The following TTYH2 variants were observed in gnomAD, a reference collection of about 807,000 sequenced individuals.
TTYH2 encodes the protein tweety family member 2.
TTYH2 carries 49 observed loss-of-function variants against 68.3 expected under a neutral mutation model. The ratio of observed to expected loss-of-function variants is 0.72; its 90% confidence interval spans 0.57 to 0.91. The LOEUF is 0.91. Ranked by LOEUF, TTYH2 falls within the 40% of genes least tolerant of loss-of-function variation. The pLI is 0.00. For missense variants in TTYH2, 631 were observed against 700.4 expected (o/e 0.90, Z 1.12); for synonymous variants, 272 against 300.8 (o/e 0.90, Z 0.99).
rs2050197834 is a variant in TTYH2 at position 74,214,026 on chromosome 17, C to T, written c.129+310C>T. Among the ~76,000 whole-genome samples, 1 of 150,660 alleles carries T rather than the reference C, an allele frequency of 6.6e-6. No individual in the cohort carries two copies. Among genetic ancestry groups the T allele is most frequent in the Non-Finnish European group, 1.5e-5 (1 of 67,498 alleles). ...TGAACGCTGAGCGGGCAGGGCGGCG[C>T]GGGGGAGGGGTAAGGACAGGGGCAT... On this transcript the variant is annotated intron_variant, in intron 1 of 13. Transcript: ENST00000269346. This position sits in a 1 kb window ranked among gnomAD's most constrained non-coding sequence, Gnocchi z 4.6.
chr17:74,249,379 G>A lies in TTYH2; in HGVS notation c.910G>A (p.Gly304Arg). 1 of 1,614,084 alleles carries A rather than the reference G, an allele frequency of 6.2e-7. No individual in the cohort carries two copies. The highest frequency in any genetic ancestry group is 8.5e-7 in the Non-Finnish European group (1 of 1,180,032). The change falls in exon 8 of 14, where the codon GGA becomes AGA. Residue 304 changes from glycine (G) to arginine (R), a missense_variant. Gly to Arg is a moderately radical substitution (Grantham distance 125, BLOSUM62 -2). Coordinates refer to ENST00000269346, the MANE Select transcript of TTYH2 (RefSeq NM_032646.6). ...TRYYLYCSQSGSSPFQQTLTT... is the reference protein window; with the variant it reads ...TRYYLYCSQSRSSPFQQTLTT... The stretch of plus-strand genomic sequence containing the variant: ...CTACTACCTGTATTGCAGCCAGAGT[G>A]GAAGCAGCCCCTTCCAGCAGGTATG...
chr17:74,234,484 A>C (rs570612122), intron 3 of TTYH2, among the ~76,000 whole-genome samples: 35 of 152,230 alleles, frequency 2.3e-4, no homozygotes, highest in Non-Finnish European at 4.3e-4. Context: ...CACTGCTGTC[A>C]TTCTTATTTT....
In TTYH2 at chr17:74,252,215, G is replaced by A. The variant is rs1287748948; in HGVS notation, c.1117-19G>A. On this transcript the variant is annotated intron_variant, in intron 10 of 13. Coordinates refer to ENST00000269346, the MANE Select transcript of TTYH2 (RefSeq NM_032646.6). ...GCCCCCGCTCCTTCACTAGCTGCATGTCCCTCCTCTTCCTCCAGGATTATC... is the reference window on the plus strand; with the variant it reads ...GCCCCCGCTCCTTCACTAGCTGCATATCCCTCCTCTTCCTCCAGGATTATC... 9 of 1,611,074 alleles carry A rather than the reference G, an allele frequency of 5.6e-6. No homozygotes were observed. The highest frequency in any genetic ancestry group is 6.8e-6 in the Non-Finnish European group (8 of 1,179,970).
At position 74,252,249 on chromosome 17, in the gene TTYH2, C is replaced by G; in HGVS notation, c.1132C>G (p.Leu378Val). 2.5e-6 allele frequency: 4 copies of G among 1,613,126 alleles called. No homozygotes were observed. The highest frequency in any genetic ancestry group is 1.7e-4 in the Middle Eastern group (1 of 6,060). Residue 378 changes from leucine (L) to valine (V), a missense_variant, in exon 11 of 14, where the codon CTT becomes GTT. By Grantham distance (32) the Leu-to-Val change is conservative. Transcript: ENST00000269346. ...RGLHKDYLDALAGICYDGLQG... is the reference protein window; with the variant it reads ...RGLHKDYLDAVAGICYDGLQG... ...CTTCCTCCAGGATTATCTGGACGCT[C>G]TTGCTGGCATCTGCTACGACGGCCT...
At chr17:74,249,435 C>G in intron 8 of TTYH2, 36 bp downstream of exon 8, 1 of 1,608,994 alleles carries the variant, frequency 6.2e-7, no homozygotes, top group Non-Finnish European at 8.5e-7. Flanking sequence ...ACCCTGCCCA[C>G]AGCCGCTCCC....
chr17:74,218,164 G>T (rs1391669966), intron 1 of TTYH2, among the ~76,000 whole-genome samples: 3 of 146,702 alleles, frequency 2.0e-5, no homozygotes, highest in African/African-American at 5.1e-5. Flanking sequence ...CTGGAAGAGG[G>T]TGCTGCTGGT....
intron 2 of TTYH2, among the ~76,000 whole-genome samples, chr17:74,228,606 A>T (rs2050356012): frequency 6.6e-6 from 1 of 152,220 alleles, no homozygotes; most frequent in Non-Finnish European, 1.5e-5. Flanking sequence ...CAACACAAAA[A>T]TCAATACAGC....
chr17:74,215,024 C>A lies in TTYH2; in HGVS notation c.129+1308C>A, dbSNP rs1030233261. Among the ~76,000 whole-genome samples the A allele has an allele frequency of 1.3e-5, 2 of 152,120 alleles. No homozygotes were observed. Among genetic ancestry groups the A allele is most frequent in the African/African-American group, 2.4e-5 (1 of 41,422 alleles). On this transcript the variant is annotated intron_variant, in intron 1 of 13. Transcript: ENST00000269346. This position sits in a 1 kb window ranked among gnomAD's most constrained non-coding sequence, Gnocchi z 4.3. Reference sequence around the variant, plus strand: ...CAGTGGGCACTCAGGAGCAAGACGGCAGTCGGTGGACCCACCCCCCTCCCC... The same window carrying A: ...CAGTGGGCACTCAGGAGCAAGACGGAAGTCGGTGGACCCACCCCCCTCCCC...
chr17:74,221,843 G>A (rs747214687), intron 1 of TTYH2, among the ~76,000 whole-genome samples: 13 of 152,058 alleles, frequency 8.5e-5, no homozygotes, highest in East Asian at 1.9e-4. Context: ...TGACTATCCC[G>A]CCCCCTCACA....
chr17:74,236,399 C>A (rs1354853153), intron 3 of TTYH2, among the ~76,000 whole-genome samples: 1 of 152,230 alleles, frequency 6.6e-6, no homozygotes, highest in Non-Finnish European at 1.5e-5. Flanking sequence ...AACATAGAGT[C>A]TGTTTCTCTA....
chr17:74,253,637 G>T, intron 12 of TTYH2, 118 bp from the exon 13 acceptor site: 1 of 941,700 alleles, frequency 1.1e-6, no homozygotes. Context: ...CACTCTATCT[G>T]TGGTTTGGTT....
intron 10 of TTYH2, chr17:74,251,882 C>T (rs2050633692): frequency 3.4e-6 from 1 of 291,728 alleles, no homozygotes; most frequent in Non-Finnish European, 6.6e-6. Context: ...AAGCCTGTCC[C>T]CTTTGCCCCC....
At chr17:74,225,462 C>T (rs1404709593) in intron 2 of TTYH2, among the ~76,000 whole-genome samples, 1 of 152,144 alleles carries the variant, frequency 6.6e-6, no homozygotes, top group Non-Finnish European at 1.5e-5. Context: ...AAAGAGGTAG[C>T]GTGACCCGAT....
rs1322213829 is a variant in TTYH2 at position 74,249,050 on chromosome 17, C to G, written c.844C>G (p.Leu282Val). The G allele has an allele frequency of 6.2e-7, 1 of 1,614,226 alleles. No individual in the cohort carries two copies. Among genetic ancestry groups the G allele is most frequent in the Non-Finnish European group, 8.5e-7 (1 of 1,180,036 alleles). The change falls in exon 7 of 14, where the codon CTG becomes GTG. Residue 282 changes from leucine (L) to valine (V), a missense_variant. Physicochemically the swap from Leu to Val is conservative, Grantham distance 32. Transcript: ENST00000269346. Reference sequence around the variant, plus strand: ...CTGTGTGGCTCCTGACACCTTCATCCTGAACGTCACGGAGGGCCAGATCAG... The same window carrying G: ...CTGTGTGGCTCCTGACACCTTCATCGTGAACGTCACGGAGGGCCAGATCAG... Reference protein sequence around the residue: ...DFCVAPDTFILNVTEGQISTE... With the variant: ...DFCVAPDTFIVNVTEGQISTE...
rs181120556 is a variant in TTYH2, at chr17:74,260,219, G to T, written c.*10G>T. On this transcript the variant is annotated 3_prime_UTR_variant, in exon 14 of 14. Transcript: ENST00000269346. Reference sequence around the variant, plus strand: ...TCAGTTTCCAGCCTAACAGACTTTCGGGGGTTCCTGCCTCCTTTTTCCGTT... The same window carrying T: ...TCAGTTTCCAGCCTAACAGACTTTCTGGGGTTCCTGCCTCCTTTTTCCGTT... 147 of 1,613,500 alleles carry T rather than the reference G, an allele frequency of 9.1e-5. 1 individual carries two copies. In the African/African-American group the frequency reaches 1.6e-3, roughly 18 times the overall value.
Position 74,213,861 on chromosome 17 carries a change from T to A in TTYH2, c.129+145T>A. Reference sequence around the variant, plus strand: ...GCCCTTTCCCGTCTCCCCTCTCCCCTTTTCCCCCACCCTCCCAGGCCCGTG... The same window carrying A: ...GCCCTTTCCCGTCTCCCCTCTCCCCATTTCCCCCACCCTCCCAGGCCCGTG... On this transcript the variant is annotated intron_variant, in intron 1 of 13. Coordinates refer to ENST00000269346, the MANE Select transcript of TTYH2 (RefSeq NM_032646.6). The surrounding 1 kb of genome is among the most constrained non-coding windows in gnomAD (Gnocchi z 6.1). 9.2e-7 allele frequency: 1 copy of A among 1,082,388 alleles called. No homozygotes were observed. Among genetic ancestry groups the A allele is most frequent in the Non-Finnish European group, 1.3e-6 (1 of 771,248 alleles). 67.0% of individuals were successfully genotyped at this position (1,082,388 alleles called of 1,614,324 possible).
chr17:74,220,790 CTT>C (rs370305887), intron 1 of TTYH2, among the ~76,000 whole-genome samples: 1 of 145,858 alleles, frequency 6.9e-6, no homozygotes. Flanking sequence ...CCAGCTGCCA[CTT>C]TTTTTTTTTT....
rs199526005 is a variant in TTYH2, at chr17:74,253,158, C to T, written c.1337C>T (p.Pro446Leu). 1.1e-4 allele frequency: 179 copies of T among 1,613,882 alleles called. No homozygotes were observed. Among genetic ancestry groups the T allele is most frequent in the Admixed American group, 5.3e-4 (32 of 59,974 alleles). ...QAWRMAAHSP[P>L]RGQLHSFCSY... ...TGGCGCATGGCGGCTCACAGTCCCCCGAGGGGACAGCTTCACAGCTTCTGC... is the reference window on the plus strand; with the variant it reads ...TGGCGCATGGCGGCTCACAGTCCCCTGAGGGGACAGCTTCACAGCTTCTGC... The change falls in exon 12 of 14, where the codon CCG (proline) becomes CTG (leucine). Residue 446 changes from proline (P) to leucine (L), a missense_variant. Pro to Leu is a moderately conservative substitution (Grantham distance 98). Coordinates refer to ENST00000269346, the MANE Select transcript of TTYH2 (RefSeq NM_032646.6).
In TTYH2 at chr17:74,253,639, G is replaced by A. The variant is rs1437005215; in HGVS notation, c.1446-116G>A. On this transcript the variant is annotated intron_variant, in intron 12 of 13. Coordinates refer to ENST00000269346, the MANE Select transcript of TTYH2 (RefSeq NM_032646.6). ...ACTGCACCCCCTCCACTCTATCTGTGGTTTGGTTCCATCCCCCACCTCCCA... is the reference window on the plus strand; with the variant it reads ...ACTGCACCCCCTCCACTCTATCTGTAGTTTGGTTCCATCCCCCACCTCCCA... The A allele has an allele frequency of 9.4e-6, 9 of 958,676 alleles. No individual in the cohort carries two copies. In the African/African-American group the frequency reaches 1.5e-4, roughly 15 times the overall value. 59.4% of individuals were successfully genotyped at this position (958,676 alleles called of 1,614,324 possible).
Sources: gnomAD v4.1 joint callset for allele counts (sites outside exome capture counted in the v4.1 genomes callset) on GRCh38, gnomAD v4.1.1 for gene constraint, Gnocchi (gnomAD v3.1) non-coding constraint, MANE v1.5 for transcripts, NCBI Gene and HGNC (gene_info 2026-07-23, HGNC 2026-07-21) for gene names.